Variants in CNST observed in about 807,000 individuals in gnomAD.
CNST encodes consortin.
CNST carries 39 observed loss-of-function variants against 72.4 expected under a neutral mutation model. The observed-to-expected ratio is 0.54, with a 90% CI of 0.42 to 0.70. CNST has a LOEUF of 0.70. CNST is among the 30% of genes least tolerant of loss of function. The probability of loss-of-function intolerance (pLI) is 0.00; values close to 1 mark genes in which losing one functional copy is unlikely to be tolerated. For missense variants in CNST, 871 were observed against 868.5 expected, an observed-to-expected ratio of 1.00 and a Z score of -0.04; for synonymous variants, 332 against 320.1, an observed-to-expected ratio of 1.04 and a Z score of -0.40.
In CNST at chr1:246,605,607, T is replaced by C. The variant is rs570792575; in HGVS notation, c.379+13666T>C. ...AAGTGTCCCTGTCTGATGTAACGGC[T>C]ACGTGGTACCTGGATGGCCTCTCTG... On this transcript the variant is annotated intron_variant, in intron 2 of 10. Coordinates refer to ENST00000366513, the MANE Select transcript of CNST (RefSeq NM_152609.3). 3.9e-5 allele frequency among the ~76,000 whole-genome samples: 6 copies of C among 152,204 alleles called. No individual in the cohort carries two copies. In the South Asian group the frequency reaches 1.2e-3, roughly 32 times the overall value.
intron 2 of CNST, among the ~76,000 whole-genome samples, chr1:246,611,845 ATGAATGG>A (rs1337357826): frequency 6.6e-6 from 1 of 152,246 alleles, no homozygotes; most frequent in Non-Finnish European, 1.5e-5. Context: ...CCATCAACTG[ATGAATGG>A]ATAAACAAGA....
At chr1:246,644,022 A>G (rs918657112) in intron 8 of CNST, among the ~76,000 whole-genome samples, 3 of 152,140 alleles carry the variant, frequency 2.0e-5, no homozygotes, top group Non-Finnish European at 2.9e-5. Flanking sequence ...TTCGTGGCAT[A>G]GCTGCTGTCC....
chr1:246,628,679 C>T (rs1045308374), intron 3 of CNST, among the ~76,000 whole-genome samples: 3 of 152,164 alleles, frequency 2.0e-5, no homozygotes, highest in African/African-American at 4.8e-5. Context: ...GGCACTAATC[C>T]CATTCATGAG....
At chr1:246,643,024 G>T (rs1426480440) in intron 8 of CNST, among the ~76,000 whole-genome samples, 1 of 150,102 alleles carries the variant, frequency 6.7e-6, no homozygotes, top group African/African-American at 2.5e-5. Flanking sequence ...CAGTAGCTGA[G>T]ATTATAGGCA....
At chr1:246,573,996 T>C (rs1464397146) in intron 1 of CNST, among the ~76,000 whole-genome samples, 1 of 152,216 alleles carries the variant, frequency 6.6e-6, no homozygotes, top group Non-Finnish European at 1.5e-5. Flanking sequence ...GAAGTACACA[T>C]CTTTGCCTCT....
At chr1:246,594,747 C>A (rs981639845) in intron 2 of CNST, among the ~76,000 whole-genome samples, 1 of 152,048 alleles carries the variant, frequency 6.6e-6, no homozygotes, top group Non-Finnish European at 1.5e-5. Flanking sequence ...CCAGTCTAGG[C>A]GATAGTGCCA....
In CNST at chr1:246,645,467, G is replaced by T. The variant is rs184007946; in HGVS notation, c.938-1672G>T. ...TTTTGAGATGGAGTCTCGCTCTGTC[G>T]CCCAGGCTGGAGTGCAGTGGCGCAA... On this transcript the variant is annotated intron_variant, in intron 8 of 10. Transcript: ENST00000366513. Among the ~76,000 whole-genome samples, 4 of 126,666 alleles carry T rather than the reference G, an allele frequency of 3.2e-5. No homozygotes were observed. In the East Asian group the frequency reaches 8.4e-4, roughly 26 times the overall value. 83.1% of individuals were successfully genotyped at this position (126,666 alleles called of 152,430 possible).
chr1:246,575,953 C>T (rs951709100), intron 1 of CNST, among the ~76,000 whole-genome samples: 9 of 151,714 alleles, frequency 5.9e-5, no homozygotes, highest in Admixed American at 2.6e-4. Context: ...TCTCTGGGCG[C>T]GGTGGCTCGC....
intron 9 of CNST, among the ~76,000 whole-genome samples, chr1:246,651,539 G>T (rs958374538): frequency 1.3e-5 from 2 of 152,088 alleles, no homozygotes; most frequent in African/African-American, 4.8e-5. Flanking sequence ...TTGTTTTGTT[G>T]TGTTGCTTTG....
chr1:246,604,035 C>G (rs1377771712), intron 2 of CNST, among the ~76,000 whole-genome samples: 1 of 152,126 alleles, frequency 6.6e-6, no homozygotes, highest in Non-Finnish European at 1.5e-5. Context: ...ACCAGCCTGG[C>G]CAACTGGCCA....
chr1:246,621,213 C>T (rs1340721820), intron 2 of CNST, among the ~76,000 whole-genome samples: 7 of 152,184 alleles, frequency 4.6e-5, no homozygotes, highest in Non-Finnish European at 8.8e-5. Context: ...CTGCTACTCT[C>T]CTAGCATCTA....
chr1:246,645,501 C>T (rs1665998319), intron 8 of CNST, among the ~76,000 whole-genome samples: 1 of 145,758 alleles, frequency 6.9e-6, no homozygotes, highest in African/African-American at 2.6e-5. Context: ...AATCTCGGCT[C>T]ACAGCAAGCT....
intron 2 of CNST, among the ~76,000 whole-genome samples, chr1:246,592,634 A>T (rs1391548889): frequency 7.2e-5 from 11 of 152,228 alleles, no homozygotes; most frequent in Admixed American, 7.2e-4. Flanking sequence ...GCCTTCTGTC[A>T]TTCCTGTGGC....
chr1:246,619,939 C>T (rs1663947946), intron 2 of CNST, among the ~76,000 whole-genome samples: 1 of 121,366 alleles, frequency 8.2e-6, no homozygotes, highest in African/African-American at 3.3e-5. Context: ...GGGAACACTA[C>T]AGGGAGGACG....
At chr1:246,641,614 C>T (rs1245239017) in intron 6 of CNST, 135 bp from the exon 7 acceptor site, 16 of 612,648 alleles carry the variant, frequency 2.6e-5, no homozygotes, top group Non-Finnish European at 3.5e-5. Context: ...ATGTTTCAGC[C>T]GTGGAAATGT....
rs1377156953 is a variant in CNST at position 246,666,324 on chromosome 1, CAGA to C, written c.*422_*424del. 7 of 159,264 alleles carry C rather than the reference CAGA, an allele frequency of 4.4e-5. No homozygotes were observed. The highest frequency in any genetic ancestry group is 6.9e-5 in the Non-Finnish European group (5 of 72,510). The allele number at this position is 159,264 out of a possible 1,614,324, so 9.9% of individuals were successfully genotyped here. A position where few individuals can be genotyped will look rare whatever the true frequency, so the allele number is the denominator to read the frequency against. ...ATCACGCAATAAGTTTGTGTGTAAT[CAGA>C]AGGAGTTACCTTATGGTTTCAGTGT... On this transcript the variant is annotated 3_prime_UTR_variant, in exon 11 of 11. Coordinates refer to ENST00000366513, the MANE Select transcript of CNST (RefSeq NM_152609.3).
intron 1 of CNST, among the ~76,000 whole-genome samples, chr1:246,587,656 TAAGAGAAGGAA>T (rs1031344459): frequency 6.6e-6 from 1 of 152,244 alleles, no homozygotes; most frequent in African/African-American, 2.4e-5. Flanking sequence ...TATCTGTGCA[TAAGAGAAGGAA>T]AAGAGAAGAG....
rs1269146047 is a variant in CNST at position 246,647,533 on chromosome 1, T to A, written c.1332T>A (p.Pro444=). 1 of 1,614,068 alleles carries A rather than the reference T, an allele frequency of 6.2e-7. No individual in the cohort carries two copies. Among genetic ancestry groups the A allele is most frequent in the Non-Finnish European group, 8.5e-7 (1 of 1,180,046 alleles). The change falls in exon 9 of 11, where the codon CCT becomes CCA. Residue 444 remains proline, a synonymous_variant. Coordinates refer to ENST00000366513, the MANE Select transcript of CNST (RefSeq NM_152609.3). ...LISPGCDRIP[P]ALISEGKYSQ... ...CACCAGGCTGTGACCGTATACCTCC[T>A]GCATTGATTTCTGAGGGTAAATATT...
intron 1 of CNST, among the ~76,000 whole-genome samples, chr1:246,590,201 T>G (rs534822933): frequency 1.3e-5 from 2 of 152,194 alleles, no homozygotes; most frequent in Admixed American, 6.5e-5. Context: ...GGGGTCCACG[T>G]GAAAGGGTCG....
Sources: allele counts gnomAD v4.1 joint callset (sites outside exome capture counted in the v4.1 genomes callset), GRCh38; gene constraint gnomAD v4.1.1; transcripts MANE v1.5; gene names NCBI Gene and HGNC (gene_info 2026-07-23, HGNC 2026-07-21).